TMEM135: variants seen among roughly 807,000 people sequenced by gnomAD.
TMEM135 encodes transmembrane protein 135.
In TMEM135, 30 loss-of-function variants were observed where a neutral mutation model predicts 60.3. The ratio of observed to expected loss-of-function variants is 0.50; its 90% CI spans 0.37 to 0.68. The LOEUF is 0.68. TMEM135 is among the 30% of genes least tolerant of loss of function. The probability of loss-of-function intolerance (pLI) is 0.00; values close to 1 mark genes in which losing one functional copy is unlikely to be tolerated. For missense variants in TMEM135, 468 were observed against 548.8 expected (o/e 0.85, Z 1.47); for synonymous variants, 190 against 186.7 (o/e 1.02, Z -0.14).
intron 10 of TMEM135, among the ~76,000 whole-genome samples, chr11:87,312,085 G>A (rs554168270): frequency 1.3e-3 from 193 of 150,558 alleles, no homozygotes; most frequent in African/African-American, 4.5e-3. Context: ...AATGTATTAT[G>A]TGTAAATATA....
intron 1 of TMEM135, among the ~76,000 whole-genome samples, chr11:87,053,723 A>G (rs1949864449): frequency 2.6e-5 from 4 of 152,176 alleles, no homozygotes; most frequent in Admixed American, 2.6e-4. Flanking sequence ...ATGGTCTTAT[A>G]ATACTTCAGA....
chr11:87,077,583 G>T (rs1258046856), intron 3 of TMEM135, among the ~76,000 whole-genome samples: 1 of 151,996 alleles, frequency 6.6e-6, no homozygotes, highest in South Asian at 2.1e-4. Context: ...TTCTGTTTTT[G>T]TAATAGCTTT....
intron 6 of TMEM135, among the ~76,000 whole-genome samples, chr11:87,286,505 C>T (rs1427414499): frequency 2.6e-4 from 40 of 152,230 alleles, no homozygotes; most frequent in Admixed American, 2.6e-3. Flanking sequence ...CCTGCCAGTC[C>T]CGTGCTGCGC....
At chr11:87,167,112 G>A (rs1248480464) in intron 5 of TMEM135, among the ~76,000 whole-genome samples, 1 of 152,074 alleles carries the variant, frequency 6.6e-6, no homozygotes, top group Admixed American at 6.6e-5. Flanking sequence ...CTCTTTGTCT[G>A]TTATCAATGT....
At chr11:87,094,630 C>T (rs1857282410) in intron 4 of TMEM135, 1 of 154,796 alleles carries the variant, frequency 6.5e-6, no homozygotes, top group Non-Finnish European at 1.4e-5. Context: ...TGCTTGAGGG[C>T]AGTAGCCCAA....
In TMEM135 at chr11:87,171,234, A is replaced by G. The variant is rs941854421; in HGVS notation, c.462+13828A>G. ...GAATGCCTTTATATGCCCTAGGTGC[A>G]TTATAATTATCCAGCTCATTCATAC... On this transcript the variant is annotated intron_variant, in intron 5 of 14. Transcript: ENST00000305494. 3.9e-5 allele frequency among the ~76,000 whole-genome samples: 6 copies of G among 152,292 alleles called. No individual in the cohort carries two copies. The South Asian group carries it at 6.2e-4, about 16-fold the overall frequency.
At chr11:87,313,542 T>A (rs1590865781) in intron 11 of TMEM135, 54 bp downstream of exon 11, 1 of 1,436,180 alleles carries the variant, frequency 7.0e-7, no homozygotes. Flanking sequence ...GTGGTAGGAA[T>A]GAATTGGAAA....
At chr11:87,321,057 A>T in intron 14 of TMEM135, 144 bp from the exon 15 acceptor site, 1 of 657,236 alleles carries the variant, frequency 1.5e-6, no homozygotes, top group Non-Finnish European at 2.6e-6. Context: ...CCTTCATGTG[A>T]CTTGAATCTG....
intron 6 of TMEM135, among the ~76,000 whole-genome samples, chr11:87,283,357 A>G (rs1005183258): frequency 6.6e-6 from 1 of 151,858 alleles, no homozygotes; most frequent in African/African-American, 2.4e-5. Flanking sequence ...GAAAAGAAAA[A>G]GAGAATAGTA....
chr11:87,252,495 G>A (rs1941437138), intron 6 of TMEM135, among the ~76,000 whole-genome samples: 1 of 152,020 alleles, frequency 6.6e-6, no homozygotes, highest in Non-Finnish European at 1.5e-5. Flanking sequence ...ACATGGAGCC[G>A]GGCACAGTGG....
chr11:87,058,026 A>C (rs779694773), intron 1 of TMEM135, among the ~76,000 whole-genome samples: 1 of 152,202 alleles, frequency 6.6e-6, no homozygotes, highest in Non-Finnish European at 1.5e-5. Context: ...TGTTTCAGTC[A>C]GGTCTGAAGG....
chr11:87,245,010 G>A (rs185932787), intron 6 of TMEM135, among the ~76,000 whole-genome samples: 202 of 150,662 alleles, frequency 1.3e-3, no homozygotes, highest in African/African-American at 4.6e-3. Context: ...TTCCCTCTGC[G>A]CAGTGCTTTG....
chr11:87,120,299 TCTCA>T (rs905667619), intron 4 of TMEM135, among the ~76,000 whole-genome samples: 1 of 151,480 alleles, frequency 6.6e-6, no homozygotes, highest in African/African-American at 2.4e-5. Context: ...AGAGATGGCA[TCTCA>T]CTGTGTTGCC....
At chr11:87,132,625 C>T (rs1234713124) in intron 4 of TMEM135, among the ~76,000 whole-genome samples, 1 of 152,082 alleles carries the variant, frequency 6.6e-6, no homozygotes, top group Non-Finnish European at 1.5e-5. Flanking sequence ...CAATATATGA[C>T]ATTTGTCTGT....
intron 4 of TMEM135, among the ~76,000 whole-genome samples, chr11:87,143,744 T>A (rs1938329585): frequency 6.6e-6 from 1 of 152,204 alleles, no homozygotes; most frequent in Non-Finnish European, 1.5e-5. Flanking sequence ...TGTCTCAGTC[T>A]TTCTGTGGAT....
intron 5 of TMEM135, among the ~76,000 whole-genome samples, chr11:87,200,572 A>G (rs1940071293): frequency 6.6e-6 from 1 of 152,224 alleles, no homozygotes. Flanking sequence ...CATCCACTCC[A>G]GAATGATATA....
At chr11:87,189,456 C>T (rs1432822004) in intron 5 of TMEM135, among the ~76,000 whole-genome samples, 1 of 152,144 alleles carries the variant, frequency 6.6e-6, no homozygotes, top group East Asian at 1.9e-4. Flanking sequence ...CCACCGTGCC[C>T]AGCCTGTCAG....
At chr11:87,081,018 AC>A (rs1281917123) in intron 3 of TMEM135, among the ~76,000 whole-genome samples, 1 of 151,858 alleles carries the variant, frequency 6.6e-6, no homozygotes, top group Non-Finnish European at 1.5e-5. Flanking sequence ...AGCTACTCCA[AC>A]CTTTTCATAT....
At chr11:87,070,845 A>C (rs1178029226) in intron 2 of TMEM135, among the ~76,000 whole-genome samples, 1 of 152,240 alleles carries the variant, frequency 6.6e-6, no homozygotes, top group African/African-American at 2.4e-5. Context: ...TTGTGGAAGC[A>C]AAGAAGGGAA....
Sources: gnomAD v4.1 joint callset for allele counts (sites outside exome capture counted in the v4.1 genomes callset) on GRCh38, gnomAD v4.1.1 for gene constraint, MANE v1.5 for transcripts, NCBI Gene and HGNC (gene_info 2026-07-23, HGNC 2026-07-21) for gene names.